Variants in RAB38 observed in about 807,000 individuals in gnomAD.
RAB38 encodes the protein ras-related protein Rab-38.
In RAB38, 15 loss-of-function variants were observed where a neutral mutation model predicts 18.4. That is an observed-to-expected ratio of 0.82 (90% confidence interval 0.55 to 1.26). RAB38 has a LOEUF of 1.26. RAB38 is among the 50% of genes most tolerant of loss of function. RAB38 has a pLI of 0.00. For synonymous variants in RAB38, 101 were observed against 104.4 expected, an observed-to-expected ratio of 0.97 and a Z score of 0.20; for missense variants, 294 against 267.4, an observed-to-expected ratio of 1.10 and a Z score of -0.69.
chr11:88,030,157 A>C, the RAB38 span, among the ~76,000 whole-genome samples: 1 of 152,202 alleles, frequency 6.6e-6, no homozygotes, highest in Non-Finnish European at 1.5e-5. Flanking sequence ...TGAAGGCAGA[A>C]ATAAAGATGT....
the RAB38 span, among the ~76,000 whole-genome samples, chr11:87,868,877 A>G: frequency 6.6e-6 from 1 of 151,498 alleles, no homozygotes; most frequent in African/African-American, 2.4e-5. Flanking sequence ...TTTCATTCCT[A>G]CCTTCTTCAG....
the RAB38 span, among the ~76,000 whole-genome samples, chr11:88,078,899 A>G: frequency 6.6e-6 from 1 of 152,006 alleles, no homozygotes; most frequent in African/African-American, 2.4e-5. Context: ...TAGCATAAAG[A>G]AAAGATAAAT....
At chr11:87,956,731 CA>C in the RAB38 span, among the ~76,000 whole-genome samples, 3 of 152,092 alleles carry the variant, frequency 2.0e-5, no homozygotes, top group Non-Finnish European at 4.4e-5. Flanking sequence ...AGTTATAAAA[CA>C]TTTTTTTTAA....
the RAB38 span, among the ~76,000 whole-genome samples, chr11:87,950,512 A>C: frequency 6.6e-6 from 1 of 152,204 alleles, no homozygotes; most frequent in Non-Finnish European, 1.5e-5. Flanking sequence ...ATGTTTTTGC[A>C]GTGGCTGGTA....
chr11:87,932,885 G>A, the RAB38 span, among the ~76,000 whole-genome samples: 1 of 152,204 alleles, frequency 6.6e-6, no homozygotes, highest in African/African-American at 2.4e-5. Flanking sequence ...AAGGGACCTA[G>A]GGACAGGTCA....
At chr11:88,144,801 G>A (rs1942960878) in intron 2 of RAB38, among the ~76,000 whole-genome samples, 1 of 151,914 alleles carries the variant, frequency 6.6e-6, no homozygotes, top group African/African-American at 2.4e-5. Context: ...GCAAGAGCTG[G>A]AAGCACTGGA....
chr11:87,895,381 T>C, the RAB38 span, among the ~76,000 whole-genome samples: 1 of 151,614 alleles, frequency 6.6e-6, no homozygotes, highest in Non-Finnish European at 1.5e-5. Context: ...TGTCGGGTAC[T>C]GAGGGAGGGC....
chr11:87,842,812 G>GCA, the RAB38 span, among the ~76,000 whole-genome samples: 1 of 66,208 alleles, frequency 1.5e-5, no homozygotes, highest in Non-Finnish European at 2.9e-5. Flanking sequence ...ACACACACGC[G>GCA]CGCGCACACA....
chr11:87,956,291 A>G, the RAB38 span, among the ~76,000 whole-genome samples: 1 of 152,218 alleles, frequency 6.6e-6, no homozygotes, highest in Non-Finnish European at 1.5e-5. Context: ...AATAAATTGT[A>G]GCTATTGTTC....
the RAB38 span, among the ~76,000 whole-genome samples, chr11:87,975,253 C>T: frequency 6.6e-6 from 1 of 151,804 alleles, no homozygotes; most frequent in Non-Finnish European, 1.5e-5. Flanking sequence ...AAACTACTCC[C>T]GAAGAAAGTC....
the RAB38 span, among the ~76,000 whole-genome samples, chr11:88,051,577 G>A: frequency 6.6e-6 from 1 of 151,526 alleles, no homozygotes; most frequent in Admixed American, 6.6e-5. Flanking sequence ...GTTTAAACAG[G>A]ATACAGTCAA....
chr11:87,895,210 A>G, the RAB38 span, among the ~76,000 whole-genome samples: 1 of 112,046 alleles, frequency 8.9e-6, no homozygotes, highest in African/African-American at 3.5e-5. Flanking sequence ...GCTAAGTTGA[A>G]TGCCATTAAA....
chr11:88,014,653 C>T, the RAB38 span, among the ~76,000 whole-genome samples: 1 of 152,222 alleles, frequency 6.6e-6, no homozygotes, highest in South Asian at 2.1e-4. Flanking sequence ...CTGGCAAGGC[C>T]TGGTTTGTAC....
chr11:87,912,213 C>T, the RAB38 span, among the ~76,000 whole-genome samples: 3 of 152,022 alleles, frequency 2.0e-5, no homozygotes, highest in East Asian at 5.8e-4. Flanking sequence ...ATACTGGTCT[C>T]ATAGAATAAA....
the RAB38 span, among the ~76,000 whole-genome samples, chr11:87,806,604 C>T: frequency 6.9e-4 from 105 of 152,212 alleles, no homozygotes; most frequent in Non-Finnish European, 1.1e-3. Context: ...AATTCCTAAG[C>T]ATTTATATCC....
the RAB38 span, among the ~76,000 whole-genome samples, chr11:87,828,360 T>C: frequency 6.6e-6 from 1 of 152,198 alleles, no homozygotes; most frequent in African/African-American, 2.4e-5. Flanking sequence ...AGATGATCTA[T>C]TTCCATCAAG....
chr11:87,861,970 C>G, the RAB38 span, among the ~76,000 whole-genome samples: 2 of 151,894 alleles, frequency 1.3e-5, no homozygotes, highest in African/African-American at 4.8e-5. Context: ...GAGATACCAT[C>G]TCACACCAGT....
At chr11:88,085,982 T>C in the RAB38 span, among the ~76,000 whole-genome samples, 1 of 151,870 alleles carries the variant, frequency 6.6e-6, no homozygotes, top group African/African-American at 2.4e-5. Flanking sequence ...CCATCAGAGT[T>C]GGTAGACTGG....
the RAB38 span, among the ~76,000 whole-genome samples, chr11:87,946,622 T>G: frequency 6.6e-6 from 1 of 151,958 alleles, no homozygotes; most frequent in Non-Finnish European, 1.5e-5. Context: ...TTCCCAGGTA[T>G]AAGTGAGAAC....
Sources: gnomAD v4.1 joint callset for allele counts (sites outside exome capture counted in the v4.1 genomes callset) on GRCh38, gnomAD v4.1.1 for gene constraint, MANE v1.5 for transcripts, NCBI Gene and HGNC (gene_info 2026-07-23, HGNC 2026-07-21) for gene names.